Variants in NTNG1 observed in about 807,000 individuals in gnomAD.
NTNG1 encodes the protein netrin G1.
Under a neutral mutation model 54.0 loss-of-function variants are expected in NTNG1, and 16 were observed. The observed-to-expected ratio is 0.30, with a 90% CI of 0.20 to 0.45. NTNG1 has a LOEUF of 0.45. NTNG1 is among the 20% of genes least tolerant of loss of function. The probability of loss-of-function intolerance (pLI) is 1.00; values close to 1 mark genes in which losing one functional copy is unlikely to be tolerated. For missense variants in NTNG1, 530 were observed against 678.7 expected, an observed-to-expected ratio of 0.78 and a Z score of 2.43; for synonymous variants, 255 against 263.1, an observed-to-expected ratio of 0.97 and a Z score of 0.30.
intron 4 of NTNG1, among the ~76,000 whole-genome samples, chr1:107,397,355 G>GGA (rs2101098552): frequency 6.6e-6 from 1 of 152,246 alleles, no homozygotes; most frequent in East Asian, 1.9e-4. Context: ...TCTTGCAATG[G>GGA]GAATAACCCC....
intron 2 of NTNG1, among the ~76,000 whole-genome samples, chr1:107,284,168 T>C (rs1665045904): frequency 6.6e-6 from 1 of 152,130 alleles, no homozygotes; most frequent in Non-Finnish European, 1.5e-5. Flanking sequence ...TAACACGATC[T>C]CTTTCATGTG....
At chr1:107,435,729 T>A (rs986666303) in intron 6 of NTNG1, among the ~76,000 whole-genome samples, 2 of 152,130 alleles carry the variant, frequency 1.3e-5, no homozygotes, top group African/African-American at 4.8e-5. Context: ...CATTTTTAAA[T>A]AATGGAAACT....
intron 2 of NTNG1, among the ~76,000 whole-genome samples, chr1:107,284,548 T>TAA (rs946186098): frequency 6.6e-6 from 1 of 152,076 alleles, no homozygotes; most frequent in Admixed American, 6.6e-5. Flanking sequence ...CATGGAAAAT[T>TAA]AAATAGCCAT....
rs148368690 is a variant in NTNG1, at chr1:107,183,349, A to G, written c.246+34510A>G. On this transcript the variant is annotated intron_variant, in intron 2 of 7. Transcript: ENST00000370068. ...CCTCATTTGCATTTAGACTAAAACT[A>G]GAATCCAGTCCAGGATTTGATTTTC... Among the ~76,000 whole-genome samples the G allele has an allele frequency of 3.2e-3, 492 of 152,318 alleles. 1 individual carries two copies. Among genetic ancestry groups the G allele is most frequent in the Non-Finnish European group, 5.4e-3 (365 of 68,024 alleles).
intron 5 of NTNG1, among the ~76,000 whole-genome samples, chr1:107,423,504 C>T (rs1471975562): frequency 6.6e-6 from 1 of 152,044 alleles, no homozygotes; most frequent in Non-Finnish European, 1.5e-5. Context: ...GATCGCATTC[C>T]CTTTGTCTTC....
At chr1:107,458,325 C>G (rs928573181) in intron 7 of NTNG1, among the ~76,000 whole-genome samples, 1 of 152,018 alleles carries the variant, frequency 6.6e-6, no homozygotes, top group Non-Finnish European at 1.5e-5. Flanking sequence ...CCATTAGAGG[C>G]GATTAAAGGA....
intron 2 of NTNG1, among the ~76,000 whole-genome samples, chr1:107,301,693 T>C (rs544375941): frequency 6.6e-6 from 1 of 152,340 alleles, no homozygotes; most frequent in South Asian, 2.1e-4. Flanking sequence ...TTCTTCTTCA[T>C]TGTGATCATC....
intron 7 of NTNG1, among the ~76,000 whole-genome samples, chr1:107,478,169 A>G (rs908100347): frequency 6.6e-6 from 1 of 152,228 alleles, no homozygotes; most frequent in Non-Finnish European, 1.5e-5. Context: ...CTTCTAGCCC[A>G]TGATTCCAAC....
At position 107,300,868 on chromosome 1, in the gene NTNG1, TTA is replaced by T. The variant is rs546760963; in HGVS notation, c.247-23410_247-23409del. 1.2e-3 allele frequency among the ~76,000 whole-genome samples: 190 copies of T among 152,316 alleles called. 1 individual carries two copies. The highest frequency in any genetic ancestry group is 4.4e-3 in the African/African-American group (185 of 41,578). The stretch of plus-strand genomic sequence containing the variant: ...TTAATAATATTCACGAGAATCCAGA[TTA>T]TATGTTTAAAATGTATGTCAGCAAA... On this transcript the variant is annotated intron_variant, in intron 2 of 7. Transcript: ENST00000370068.
chr1:107,446,443 G>A (rs536142249), intron 7 of NTNG1, among the ~76,000 whole-genome samples: 1 of 152,170 alleles, frequency 6.6e-6, no homozygotes, highest in South Asian at 2.1e-4. Flanking sequence ...CCGTCATCTT[G>A]AATATCAGCA....
intron 7 of NTNG1, among the ~76,000 whole-genome samples, chr1:107,446,595 A>G (rs1438037353): frequency 6.6e-6 from 1 of 152,108 alleles, no homozygotes; most frequent in Non-Finnish European, 1.5e-5. Context: ...TTCTGAACAC[A>G]GTCCATGACA....
chr1:107,468,612 C>T (rs1393361917), intron 7 of NTNG1, among the ~76,000 whole-genome samples: 1 of 152,212 alleles, frequency 6.6e-6, no homozygotes, highest in Non-Finnish European at 1.5e-5. Context: ...CTCACCTCGG[C>T]TGTACTCCCA....
At chr1:107,365,955 A>G (rs1250747856) in intron 3 of NTNG1, among the ~76,000 whole-genome samples, 2 of 152,198 alleles carry the variant, frequency 1.3e-5, no homozygotes, top group African/African-American at 4.8e-5. Context: ...TCATAAATGT[A>G]CTATATTCCC....
intron 3 of NTNG1, among the ~76,000 whole-genome samples, chr1:107,377,128 T>C (rs1038960846): frequency 6.6e-6 from 1 of 152,228 alleles, no homozygotes; most frequent in Non-Finnish European, 1.5e-5. Flanking sequence ...CCCCCAGTTT[T>C]GGACACATAC....
At chr1:107,328,693 C>T (rs1021332832) in intron 3 of NTNG1, among the ~76,000 whole-genome samples, 4 of 151,992 alleles carry the variant, frequency 2.6e-5, no homozygotes, top group African/African-American at 7.2e-5. Context: ...ATTGAAAAAG[C>T]GAGCACTGTA....
intron 2 of NTNG1, among the ~76,000 whole-genome samples, chr1:107,253,045 A>C (rs917531498): frequency 2.1e-5 from 3 of 142,750 alleles, no homozygotes; most frequent in Non-Finnish European, 4.4e-5. Context: ...AGCACTAAAG[A>C]ATACCAGGGA....
intron 1 of NTNG1, among the ~76,000 whole-genome samples, chr1:107,143,680 G>A (rs1471366864): frequency 2.0e-5 from 3 of 152,064 alleles, no homozygotes; most frequent in Non-Finnish European, 4.4e-5. Context: ...AGAATCCAAA[G>A]TTCTGTTTCA....
At chr1:107,156,745 A>G (rs1293818090) in intron 2 of NTNG1, among the ~76,000 whole-genome samples, 1 of 152,148 alleles carries the variant, frequency 6.6e-6, no homozygotes, top group Non-Finnish European at 1.5e-5. Flanking sequence ...CTGCCATTGA[A>G]TGTATACTCC....
chr1:107,166,814 G>A (rs1655830764), intron 2 of NTNG1, among the ~76,000 whole-genome samples: 2 of 151,916 alleles, frequency 1.3e-5, no homozygotes, highest in Admixed American at 6.6e-5. Flanking sequence ...TATCAAAAAC[G>A]TTCTAGAGAT....
Sources: gnomAD v4.1 joint callset for allele counts (sites outside exome capture counted in the v4.1 genomes callset) on GRCh38, gnomAD v4.1.1 for gene constraint, MANE v1.5 for transcripts, NCBI Gene and HGNC (gene_info 2026-07-23, HGNC 2026-07-21) for gene names.